Variants in AK8 observed in about 807,000 individuals in gnomAD.
AK8 encodes the protein adenylate kinase 8.
Under a neutral mutation model 54.6 loss-of-function variants are expected in AK8, and 44 were observed. That is an observed-to-expected ratio of 0.81 (90% CI 0.63 to 1.04). AK8 has a LOEUF of 1.04. Ranked by LOEUF, AK8 falls within the 50% of genes least tolerant of loss-of-function variation. The probability of loss-of-function intolerance (pLI) is 0.00; values close to 1 mark genes in which losing one functional copy is unlikely to be tolerated. For missense variants in AK8, 555 were observed against 613.6 expected (o/e 0.90, Z 1.01); for synonymous variants, 239 against 245.6 (o/e 0.97, Z 0.25).
At chr9:132,856,718 C>T (rs979036625) in intron 4 of AK8, among the ~76,000 whole-genome samples, 2 of 152,168 alleles carry the variant, frequency 1.3e-5, no homozygotes, top group Non-Finnish European at 2.9e-5. Context: ...TTTCCACCAG[C>T]TCAGAAGCTG....
intron 5 of AK8, among the ~76,000 whole-genome samples, chr9:132,853,027 A>C (rs1046195077): frequency 2.0e-5 from 3 of 152,038 alleles, no homozygotes; most frequent in African/African-American, 7.2e-5. Context: ...AAGCCCAAAG[A>C]AATTCATCCC....
chr9:132,736,248 G>A (rs577655981), intron 11 of AK8, among the ~76,000 whole-genome samples: 13 of 149,782 alleles, frequency 8.7e-5, no homozygotes, highest in South Asian at 2.1e-4. Context: ...GTGGAATGGC[G>A]CAATCTTGGC....
intron 11 of AK8, among the ~76,000 whole-genome samples, chr9:132,783,033 G>T (rs1839544146): frequency 6.6e-6 from 1 of 152,210 alleles, no homozygotes; most frequent in Admixed American, 6.5e-5. Context: ...CAGATTCTGT[G>T]AATAGGTTAT....
At chr9:132,852,191 G>A (rs992059654) in intron 5 of AK8, among the ~76,000 whole-genome samples, 1 of 152,076 alleles carries the variant, frequency 6.6e-6, no homozygotes, top group Admixed American at 6.5e-5. Flanking sequence ...AAAACAATAG[G>A]GGCCAGGCAT....
chr9:132,750,653 C>T (rs935300581), intron 11 of AK8, among the ~76,000 whole-genome samples: 2 of 151,954 alleles, frequency 1.3e-5, no homozygotes, highest in East Asian at 3.8e-4. Flanking sequence ...CAGATTCTAG[C>T]GCTTCAAAGG....
At chr9:132,854,991 A>G in intron 4 of AK8, 66 bp from the exon 5 acceptor site, 1 of 1,550,300 alleles carries the variant, frequency 6.5e-7, no homozygotes, top group Non-Finnish European at 8.9e-7. Context: ...GACACAGACC[A>G]GCACACACCC....
chr9:132,725,599 G>C lies in AK8; in HGVS notation c.*89C>G. On this transcript the variant is annotated 3_prime_UTR_variant, in exon 13 of 13. Coordinates refer to ENST00000298545, the MANE Select transcript of AK8 (RefSeq NM_152572.3). Reference sequence around the variant, plus strand: ...GAGACTGTATCCAGCAGGCTTTATTGGCTTTTTAGGGGAGCTGTGCCGAGG... The same window carrying C: ...GAGACTGTATCCAGCAGGCTTTATTCGCTTTTTAGGGGAGCTGTGCCGAGG... The C allele has an allele frequency of 8.1e-7, 1 of 1,227,322 alleles. No homozygotes were observed. The highest frequency in any genetic ancestry group is 1.1e-6 in the Non-Finnish European group (1 of 878,940). The allele number at this position is 1,227,322 out of a possible 1,614,324, so 76.0% of individuals were successfully genotyped here.
At chr9:132,793,888 T>C (rs1461254801) in intron 10 of AK8, among the ~76,000 whole-genome samples, 1 of 152,310 alleles carries the variant, frequency 6.6e-6, no homozygotes, top group East Asian at 1.9e-4. Flanking sequence ...TGGCAGTTTC[T>C]CTGGAAGCTG....
At chr9:132,833,876 T>C (rs1471316316) in intron 5 of AK8, among the ~76,000 whole-genome samples, 2 of 152,244 alleles carry the variant, frequency 1.3e-5, no homozygotes, top group Non-Finnish European at 2.9e-5. Flanking sequence ...CAACTTCACA[T>C]GGGAAGGCTC....
intron 2 of AK8, among the ~76,000 whole-genome samples, chr9:132,873,526 C>G (rs1843949104): frequency 6.6e-6 from 1 of 152,212 alleles, no homozygotes; most frequent in Non-Finnish European, 1.5e-5. Context: ...TTTTACTTTA[C>G]TTTTACTCTA....
At chr9:132,847,838 G>A (rs915316865) in intron 5 of AK8, among the ~76,000 whole-genome samples, 5 of 151,748 alleles carry the variant, frequency 3.3e-5, no homozygotes, top group Admixed American at 6.6e-5. Context: ...AAAATTAGCC[G>A]GGCATGGTGG....
chr9:132,820,670 T>C (rs1020846790), intron 9 of AK8, among the ~76,000 whole-genome samples: 8 of 152,262 alleles, frequency 5.3e-5, no homozygotes, highest in African/African-American at 1.9e-4. Flanking sequence ...TGTCCGTATA[T>C]ACTCCCATCA....
At chr9:132,832,551 T>C (rs1330656917) in intron 5 of AK8, among the ~76,000 whole-genome samples, 2 of 152,356 alleles carry the variant, frequency 1.3e-5, no homozygotes, top group East Asian at 1.9e-4. Flanking sequence ...TTGCTGCTTC[T>C]AGTACAAGGG....
intron 5 of AK8, among the ~76,000 whole-genome samples, chr9:132,840,280 G>GCTCCAT (rs1204865027): frequency 6.6e-6 from 1 of 152,128 alleles, no homozygotes; most frequent in Non-Finnish European, 1.5e-5. Flanking sequence ...TCACAGCCCA[G>GCTCCAT]CTCCATCTCC....
intron 10 of AK8, among the ~76,000 whole-genome samples, chr9:132,793,114 G>A (rs1011537702): frequency 1.3e-5 from 2 of 152,190 alleles, no homozygotes; most frequent in African/African-American, 2.4e-5. Context: ...CCCGTAAACT[G>A]GGTGTCTGGG....
intron 11 of AK8, among the ~76,000 whole-genome samples, chr9:132,779,598 G>T (rs898301302): frequency 2.0e-5 from 3 of 152,230 alleles, no homozygotes; most frequent in East Asian, 3.8e-4. Flanking sequence ...TGCAGAGCAG[G>T]TCATAGCCAT....
chr9:132,856,498 G>A (rs1487512690), intron 4 of AK8, among the ~76,000 whole-genome samples: 2 of 152,114 alleles, frequency 1.3e-5, no homozygotes, highest in East Asian at 3.9e-4. Context: ...GTTCCTTTGA[G>A]GAGTCACCCT....
At chr9:132,811,232 CT>C (rs1840990186) in intron 10 of AK8, among the ~76,000 whole-genome samples, 2 of 152,188 alleles carry the variant, frequency 1.3e-5, no homozygotes, top group African/African-American at 4.8e-5. Context: ...AATATGTTCC[CT>C]GATATGGCAA....
At chr9:132,862,193 A>G (rs1187120722) in intron 4 of AK8, among the ~76,000 whole-genome samples, 1 of 152,148 alleles carries the variant, frequency 6.6e-6, no homozygotes, top group African/African-American at 2.4e-5. Flanking sequence ...CTCCTGCAAG[A>G]CTGCAGGGGC....
Sources: allele counts gnomAD v4.1 joint callset (sites outside exome capture counted in the v4.1 genomes callset), GRCh38; gene constraint gnomAD v4.1.1; transcripts MANE v1.5; gene names NCBI Gene and HGNC (gene_info 2026-07-23, HGNC 2026-07-21).